RBFOX1: variants seen among roughly 807,000 people sequenced by gnomAD.
RBFOX1 encodes the protein RNA binding protein fox-1 homolog 1.
RBFOX1 carries 8 observed loss-of-function variants against 57.7 expected under a neutral mutation model. That is an observed-to-expected ratio of 0.14 (90% CI 0.08 to 0.25). The LOEUF (loss-of-function observed/expected upper bound fraction) is 0.25. RBFOX1 is among the 10% of genes least tolerant of loss of function. The pLI is 1.00. For missense variants in RBFOX1, 611 were observed against 548.5 expected, an observed-to-expected ratio of 1.11 and a Z score of -1.14; for synonymous variants, 326 against 222.4, an observed-to-expected ratio of 1.47 and a Z score of -4.15.
intron 1 of RBFOX1, among the ~76,000 whole-genome samples, chr16:5,406,369 G>C (rs945214517): frequency 3.3e-5 from 5 of 152,102 alleles, no homozygotes; most frequent in African/African-American, 9.7e-5. Context: ...AGTTAGCTCT[G>C]ACTGCTTGAG....
At chr16:6,966,674 A>C (rs80224135) in intron 3 of RBFOX1, among the ~76,000 whole-genome samples, 1 of 152,182 alleles carries the variant, frequency 6.6e-6, no homozygotes, top group Admixed American at 6.5e-5. Flanking sequence ...AGATAGTGCA[A>C]GCTGGGCTGA....
At chr16:6,489,426 A>G (rs371969797) in intron 2 of RBFOX1, among the ~76,000 whole-genome samples, 1 of 152,248 alleles carries the variant, frequency 6.6e-6, no homozygotes, top group Non-Finnish European at 1.5e-5. Context: ...GGAGATTGTT[A>G]TTGTTTTTAT....
chr16:6,508,352 C>T (rs1277071611), intron 2 of RBFOX1, among the ~76,000 whole-genome samples: 6 of 151,900 alleles, frequency 3.9e-5, no homozygotes, highest in Admixed American at 6.6e-5. Context: ...CACTTGTCCC[C>T]GAACATAAAA....
intron 3 of RBFOX1, among the ~76,000 whole-genome samples, chr16:6,907,226 T>C (rs1047370216): frequency 1.3e-5 from 2 of 152,126 alleles, no homozygotes; most frequent in African/African-American, 4.8e-5. Flanking sequence ...TTAAATATCC[T>C]ACAGTGCGCA....
chr16:7,532,816 G>C (rs1015159152), intron 5 of RBFOX1, among the ~76,000 whole-genome samples: 1 of 152,180 alleles, frequency 6.6e-6, no homozygotes, highest in Non-Finnish European at 1.5e-5. Context: ...GACAGAGCTC[G>C]ATGGCCCACA....
chr16:5,480,571 C>G (rs1351497874), intron 2 of RBFOX1, among the ~76,000 whole-genome samples: 2 of 152,236 alleles, frequency 1.3e-5, no homozygotes, highest in African/African-American at 4.8e-5. Context: ...AGTCCACCAG[C>G]CCAGCCTATT....
chr16:7,599,892 C>T (rs1261774479), intron 9 of RBFOX1, among the ~76,000 whole-genome samples: 1 of 151,752 alleles, frequency 6.6e-6, no homozygotes, highest in East Asian at 1.9e-4. Context: ...CTGTCTTGGC[C>T]TCCAAAAATG....
intron 4 of RBFOX1, among the ~76,000 whole-genome samples, chr16:7,125,264 C>T (rs143757327): frequency 1.3e-5 from 2 of 152,270 alleles, no homozygotes; most frequent in South Asian, 4.1e-4. Flanking sequence ...GTCGTTCAGC[C>T]TTTCTAACCT....
At chr16:7,305,162 C>T (rs748969916) in intron 4 of RBFOX1, among the ~76,000 whole-genome samples, 1 of 151,576 alleles carries the variant, frequency 6.6e-6, no homozygotes, top group Non-Finnish European at 1.5e-5. Flanking sequence ...CCTTTCACTT[C>T]TCCTTAGTGG....
intron 3 of RBFOX1, among the ~76,000 whole-genome samples, chr16:5,778,681 A>C (rs571255432): frequency 1.3e-5 from 2 of 152,258 alleles, no homozygotes; most frequent in African/African-American, 4.8e-5. Context: ...GTGCGTGGCC[A>C]TCTCATACTA....
intron 1 of RBFOX1, among the ~76,000 whole-genome samples, chr16:6,072,226 C>A (rs546058087): frequency 6.6e-6 from 1 of 152,034 alleles, no homozygotes; most frequent in African/African-American, 2.4e-5. Flanking sequence ...TGGGGTAAAA[C>A]CCACCCCCCC....
chr16:7,268,562 C>G (rs1002696330), intron 4 of RBFOX1, among the ~76,000 whole-genome samples: 1 of 152,170 alleles, frequency 6.6e-6, no homozygotes, highest in Non-Finnish European at 1.5e-5. Flanking sequence ...CTCTTTGCAG[C>G]TAATAAAGAA....
chr16:7,381,809 G>A (rs187807919), intron 4 of RBFOX1, among the ~76,000 whole-genome samples: 10 of 152,074 alleles, frequency 6.6e-5, no homozygotes, highest in African/African-American at 9.7e-5. Flanking sequence ...CAGTGTGGAC[G>A]CTGGGCTGGA....
intron 1 of RBFOX1, among the ~76,000 whole-genome samples, chr16:5,346,469 A>G (rs574053276): frequency 2.4e-3 from 372 of 152,324 alleles, no homozygotes; most frequent in African/African-American, 8.5e-3. Flanking sequence ...ATTTCACAGG[A>G]TGGATGAGAA....
intron 1 of RBFOX1, among the ~76,000 whole-genome samples, chr16:6,211,315 A>C (rs1329999239): frequency 7.4e-6 from 1 of 134,834 alleles, no homozygotes; most frequent in African/African-American, 2.8e-5. Context: ...TGCAAGCTCC[A>C]CCTCCTGGGT....
chr16:5,270,392 G>T (rs2062974867), intron 1 of RBFOX1: 9 of 1,295,298 alleles, frequency 6.9e-6, no homozygotes, highest in Non-Finnish European at 8.8e-6. Context: ...TCTTGCTGAT[G>T]TGCAGAATGA....
At chr16:5,285,885 C>T (rs1254898937) in intron 1 of RBFOX1, among the ~76,000 whole-genome samples, 6 of 152,156 alleles carry the variant, frequency 3.9e-5, no homozygotes, top group Admixed American at 1.3e-4. Context: ...GATTCTCCTG[C>T]CTCAGCCTCC....
intron 1 of RBFOX1, among the ~76,000 whole-genome samples, chr16:5,400,437 G>C (rs1337228477): frequency 6.6e-6 from 1 of 151,988 alleles, no homozygotes; most frequent in Non-Finnish European, 1.5e-5. Context: ...ATTCTTTAAA[G>C]CATAAATACT....
intron 3 of RBFOX1, among the ~76,000 whole-genome samples, chr16:6,867,363 T>C (rs2060123154): frequency 6.6e-6 from 1 of 152,062 alleles, no homozygotes; most frequent in Non-Finnish European, 1.5e-5. Context: ...GGGGTAGTGA[T>C]TCTTTTTAAT....
Sources: allele counts gnomAD v4.1 joint callset (sites outside exome capture counted in the v4.1 genomes callset), GRCh38; gene constraint gnomAD v4.1.1; transcripts MANE v1.5; gene names NCBI Gene and HGNC (gene_info 2026-07-23, HGNC 2026-07-21).